RYR3: variants seen among roughly 807,000 people sequenced by gnomAD.
RYR3 encodes the protein ryanodine receptor 3.
A neutral mutation model predicts 584.3 loss-of-function variants in RYR3; 207 were observed. The ratio of observed to expected loss-of-function variants is 0.35; its 90% CI spans 0.32 to 0.40. RYR3 has a LOEUF of 0.40. RYR3 is among the 10% of genes least tolerant of loss of function. RYR3 has a pLI of 1.00. For synonymous variants in RYR3, 2,416 were observed against 2,248.5 expected (o/e 1.07, Z -2.11); for missense variants, 5,616 against 6,089.2 (o/e 0.92, Z 2.59).
chr15:33,473,559 T>C, intron 2 of RYR3, 21 bp downstream of exon 2: 2 of 1,612,758 alleles, frequency 1.2e-6, no homozygotes, highest in South Asian at 1.1e-5. Flanking sequence ...CTGTCCGCCC[T>C]ACACCTTCTT....
At chr15:33,806,904 C>G (rs1596702240) in intron 69 of RYR3, among the ~76,000 whole-genome samples, 2 of 151,834 alleles carry the variant, frequency 1.3e-5, no homozygotes, top group Middle Eastern at 3.4e-3. Flanking sequence ...TAACACACAA[C>G]CCCACACCCA....
At chr15:33,756,013 A>C (rs189430218) in intron 58 of RYR3, among the ~76,000 whole-genome samples, 6 of 152,300 alleles carry the variant, frequency 3.9e-5, no homozygotes, top group Admixed American at 2.6e-4. Flanking sequence ...ACCTCAAGTG[A>C]TCCACCTGCT....
intron 52 of RYR3, 59 bp downstream of exon 52, chr15:33,742,503 A>G: frequency 9.1e-7 from 1 of 1,098,816 alleles, no homozygotes; most frequent in Non-Finnish European, 1.4e-6. Context: ...AAGAACATTA[A>G]AGGGCCCAGT....
chr15:33,435,355 GAT>G (rs1310091895), intron 1 of RYR3, among the ~76,000 whole-genome samples: 5 of 152,096 alleles, frequency 3.3e-5, no homozygotes, highest in African/African-American at 1.2e-4. Flanking sequence ...CACGTATAGT[GAT>G]ATATATGGTT....
At chr15:33,751,108 C>A (rs932837954) in intron 57 of RYR3, among the ~76,000 whole-genome samples, 1 of 152,130 alleles carries the variant, frequency 6.6e-6, no homozygotes, top group African/African-American at 2.4e-5. Flanking sequence ...TGTATATGTG[C>A]CACATTTTCT....
rs1396975373 is a variant in RYR3 at position 33,636,535 on chromosome 15, T to G, written c.3541T>G (p.Tyr1181Asp). ...AGGCTCTGAACTTGCCTTCGCTGAC[T>G]ACGAGATTGAGAATGGTAAATCTAA... Reference protein sequence around the residue: ...NKGSELAFADYEIENGFVPIC... With the variant: ...NKGSELAFADDEIENGFVPIC... Residue 1181 changes from tyrosine (Y) to aspartate (D), a missense_variant, in exon 27 of 104, where the codon TAC becomes GAC. Around this residue, in one of 9 missense-constraint regions of RYR3, gnomAD observed 152 missense variants for 200.9 expected, o/e 0.76. Transcript: ENST00000634891. 1 of 1,593,430 alleles carries G rather than the reference T, an allele frequency of 6.3e-7. No homozygotes were observed. The highest frequency in any genetic ancestry group is 8.5e-7 in the Non-Finnish European group (1 of 1,170,876).
Position 33,700,994 on chromosome 15 carries a change from G to A in RYR3, c.6397G>A (p.Gly2133Arg). ...TCCCTCAGCCTCCCCGTCGATGAGG[G>A]GATCCACCCCGCTGGATGTGGCAGC... Reference protein sequence around the residue: ...SVGLASPSMRGSTPLDVAASS... With the variant: ...SVGLASPSMRRSTPLDVAASS... The change falls in exon 42 of 104, where the codon GGA becomes AGA. Residue 2133 changes from glycine to arginine, a missense_variant. Coordinates refer to ENST00000634891, the MANE Select transcript of RYR3 (RefSeq NM_001036.6). 1 of 1,612,978 alleles carries A rather than the reference G, an allele frequency of 6.2e-7. No homozygotes were observed. The highest frequency in any genetic ancestry group is 8.5e-7 in the Non-Finnish European group (1 of 1,179,448).
At position 33,788,315 on chromosome 15, in the gene RYR3, G is replaced by A. The variant is rs767318051; in HGVS notation, c.9687G>A (p.Thr3229=). The A allele has an allele frequency of 6.8e-6, 11 of 1,613,956 alleles. No individual in the cohort carries two copies. Among genetic ancestry groups the A allele is most frequent in the Middle Eastern group, 1.6e-4 (1 of 6,062 alleles). The change falls in exon 67 of 104, where the codon ACG becomes ACA. Residue 3229 remains threonine, a synonymous_variant. Coordinates refer to ENST00000634891, the MANE Select transcript of RYR3 (RefSeq NM_001036.6). ...LEKLKKKAVK[T]VQEEEQLKAD... ...AGCTGAAGAAAAAGGCTGTCAAGAC[G>A]GTGCAGGAGGAGGAGCAGTTGAAAG...
rs115386112 is a variant in RYR3 at position 33,840,573 on chromosome 15, C to T, written c.12979-252C>T. On this transcript the variant is annotated intron_variant, in intron 89 of 103. Coordinates refer to ENST00000634891, the MANE Select transcript of RYR3 (RefSeq NM_001036.6). The stretch of plus-strand genomic sequence containing the variant: ...TTGAGGCTCTTACAATGTCCTAACA[C>T]AAGTTTCCTCTTTGAATTGAGTAAG... The T allele has an allele frequency of 3.7e-3, 2,030 of 543,530 alleles. 39 individuals are homozygous for T. Among genetic ancestry groups the T allele is most frequent in the African/African-American group, 0.036 (1,861 of 52,338 alleles). The allele number at this position is 543,530 out of a possible 1,614,324, so 33.7% of individuals were successfully genotyped here. A position where few individuals can be genotyped will look rare whatever the true frequency, so the allele number is the denominator to read the frequency against.
At chr15:33,735,484 A>T (rs1215149596) in intron 48 of RYR3, among the ~76,000 whole-genome samples, 1 of 152,178 alleles carries the variant, frequency 6.6e-6, no homozygotes, top group Non-Finnish European at 1.5e-5. Flanking sequence ...AGTGGAAAAA[A>T]TCCAGGGATT....
intron 1 of RYR3, among the ~76,000 whole-genome samples, chr15:33,468,417 C>T (rs1330873196): frequency 2.0e-5 from 3 of 152,162 alleles, no homozygotes; most frequent in Non-Finnish European, 4.4e-5. Flanking sequence ...TAGTTGATAT[C>T]ATTATCAATA....
chr15:33,325,257 C>T (rs1036755055), intron 1 of RYR3, among the ~76,000 whole-genome samples: 6 of 152,084 alleles, frequency 3.9e-5, no homozygotes, highest in Non-Finnish European at 8.8e-5. Context: ...TCTATAGGAC[C>T]CCTTTACTCC....
chr15:33,789,923 GC>G (rs2075041940), intron 67 of RYR3, among the ~76,000 whole-genome samples: 1 of 145,802 alleles, frequency 6.9e-6, no homozygotes, highest in African/African-American at 2.5e-5. Flanking sequence ...CAATCCGCCT[GC>G]CTCGGCTTCC....
chr15:33,440,964 C>G (rs377001000), intron 1 of RYR3, among the ~76,000 whole-genome samples: 4 of 152,336 alleles, frequency 2.6e-5, no homozygotes, highest in African/African-American at 9.6e-5. Context: ...CTCACTGGCT[C>G]TTTCTTGTGG....
chr15:33,766,709 G>A (rs1452391770), intron 60 of RYR3, among the ~76,000 whole-genome samples: 1 of 152,230 alleles, frequency 6.6e-6, no homozygotes, highest in African/African-American at 2.4e-5. Flanking sequence ...AAGCAGTCGT[G>A]TTTGCACTGA....
chr15:33,331,730 T>G (rs1362454299), intron 1 of RYR3, among the ~76,000 whole-genome samples: 1 of 151,706 alleles, frequency 6.6e-6, no homozygotes, highest in Non-Finnish European at 1.5e-5. Flanking sequence ...AAAATGGTCA[T>G]AAAAAGAGGG....
chr15:33,633,525 C>T (rs1566830078), intron 24 of RYR3, among the ~76,000 whole-genome samples: 6 of 152,166 alleles, frequency 3.9e-5, no homozygotes, highest in Admixed American at 1.3e-4. Context: ...ACCTGGCACA[C>T]CTCTTTCCTT....
At chr15:33,715,600 T>G (rs956848145) in intron 43 of RYR3, among the ~76,000 whole-genome samples, 2 of 152,186 alleles carry the variant, frequency 1.3e-5, no homozygotes, top group Non-Finnish European at 2.9e-5. Context: ...TACCTGAGAC[T>G]GGATAATTTA....
chr15:33,833,067 T>C (rs2152974108), intron 86 of RYR3, among the ~76,000 whole-genome samples: 1 of 150,594 alleles, frequency 6.6e-6, no homozygotes, highest in Middle Eastern at 3.6e-3. Context: ...AGGCTATGGA[T>C]AGATGAAGAG....
Sources: allele counts gnomAD v4.1 joint callset (sites outside exome capture counted in the v4.1 genomes callset), GRCh38; gene constraint gnomAD v4.1.1; regional missense constraint gnomAD v4.1.1; transcripts MANE v1.5; gene names NCBI Gene and HGNC (gene_info 2026-07-23, HGNC 2026-07-21).